Variants in TRAPPC8 observed in about 807,000 individuals in gnomAD.
TRAPPC8 encodes general sporulation gene 1 homolog.
Under a neutral mutation model 174.3 loss-of-function variants are expected in TRAPPC8, and 54 were observed. That is an observed-to-expected ratio of 0.31 (90% CI 0.25 to 0.39). The LOEUF is 0.39. Among genes scored for constraint, TRAPPC8 ranks in the 10% least tolerant of loss-of-function variants. The pLI is 1.00. For synonymous variants in TRAPPC8, 630 were observed against 579.9 expected, an observed-to-expected ratio of 1.09 and a Z score of -1.24; for missense variants, 1,531 against 1,699.1, an observed-to-expected ratio of 0.90 and a Z score of 1.74.
chr18:31,858,122 T>C, intron 19 of TRAPPC8, 140 bp from the exon 20 acceptor site: 1 of 683,790 alleles, frequency 1.5e-6, no homozygotes, highest in Non-Finnish European at 2.4e-6. Flanking sequence ...TCCCTGAATA[T>C]GTGGCAGTTA....
intron 10 of TRAPPC8, among the ~76,000 whole-genome samples, chr18:31,899,954 TG>T (rs11366153): frequency 0.059 from 8,994 of 151,418 alleles, 284 homozygotes; most frequent in Middle Eastern, 0.11. Flanking sequence ...AAAAAAAACA[TG>T]GGCTGGGCAT....
intron 12 of TRAPPC8, among the ~76,000 whole-genome samples, chr18:31,884,082 G>C (rs573540211): frequency 1.3e-5 from 2 of 152,082 alleles, no homozygotes; most frequent in East Asian, 1.9e-4. Context: ...CCAGCTACTC[G>C]AGAGGCTGAG....
intron 11 of TRAPPC8, 74 bp from the exon 12 acceptor site, chr18:31,890,940 A>G: frequency 2.1e-6 from 3 of 1,431,954 alleles, no homozygotes; most frequent in Non-Finnish European, 2.8e-6. Context: ...TGAAAAAAAC[A>G]TTTAATTTCT....
At chr18:31,878,969 A>T (rs573608678) in intron 12 of TRAPPC8, among the ~76,000 whole-genome samples, 2 of 152,304 alleles carry the variant, frequency 1.3e-5, no homozygotes, top group East Asian at 3.9e-4. Flanking sequence ...GAGCATCCAA[A>T]TTTATAAAAC....
intron 2 of TRAPPC8, among the ~76,000 whole-genome samples, chr18:31,919,923 A>G (rs1170770959): frequency 6.6e-6 from 1 of 152,078 alleles, no homozygotes; most frequent in Non-Finnish European, 1.5e-5. Context: ...ATTACAATCT[A>G]CATTTTAAAA....
intron 14 of TRAPPC8, 88 bp from the exon 15 acceptor site, chr18:31,871,208 A>T (rs1444828933): frequency 7.5e-6 from 5 of 670,324 alleles, no homozygotes; most frequent in Middle Eastern, 4.5e-4. Flanking sequence ...AGAAATAAAA[A>T]AATATATATA....
At chr18:31,932,322 G>C (rs2145632167) in intron 1 of TRAPPC8, among the ~76,000 whole-genome samples, 1 of 151,686 alleles carries the variant, frequency 6.6e-6, no homozygotes, top group Non-Finnish European at 1.5e-5. Context: ...AGCTACTCAG[G>C]AGGCTGAGGC....
At chr18:31,913,885 T>A (rs895055388) in intron 4 of TRAPPC8, among the ~76,000 whole-genome samples, 1 of 151,748 alleles carries the variant, frequency 6.6e-6, no homozygotes, top group Non-Finnish European at 1.5e-5. Context: ...ACAAAACAAG[T>A]GTTTTGACTC....
chr18:31,916,066 A>AG (rs1568132092), intron 4 of TRAPPC8, among the ~76,000 whole-genome samples: 2 of 151,752 alleles, frequency 1.3e-5, no homozygotes, highest in Admixed American at 1.3e-4. Flanking sequence ...CAAAAAAAAA[A>AG]AAAAAAAAGA....
Position 31,894,993 on chromosome 18 carries a change from T to C in TRAPPC8, c.1596+2793A>G, listed in dbSNP as rs1204944678. ...TATGCGGTGATAAAGGTAGCATGTT[T>C]CACCATTAAACTGGGTTTGCTCTGC... On this transcript the variant is annotated intron_variant, in intron 11 of 28. Coordinates refer to ENST00000283351, the MANE Select transcript of TRAPPC8 (RefSeq NM_014939.5). Among the ~76,000 whole-genome samples, 11 of 152,224 alleles carry C rather than the reference T, an allele frequency of 7.2e-5. 1 individual carries two copies. The East Asian group carries it at 2.1e-3, about 29-fold the overall frequency.
rs376783471 is a variant in TRAPPC8, at chr18:31,936,902, T to TAAAA, written c.158-5383_158-5380dup. On this transcript the variant is annotated intron_variant, in intron 1 of 28. Transcript: ENST00000283351. ...GGGTGACAGAGCAAGACTCCGTCTTTAAAAAAAAAAAAAAAAAAAAAAAAA... is the reference window on the plus strand; with the variant it reads ...GGGTGACAGAGCAAGACTCCGTCTTTAAAAAAAAAAAAAAAAAAAAAAAAAAAAA... 8.1e-4 allele frequency among the ~76,000 whole-genome samples: 75 copies of TAAAA among 92,518 alleles called. 1 individual carries two copies. The highest frequency in any genetic ancestry group is 5.7e-3 in the South Asian group (12 of 2,120). 60.7% of individuals were successfully genotyped at this position (92,518 alleles called of 152,430 possible).
intron 27 of TRAPPC8, among the ~76,000 whole-genome samples, chr18:31,834,292 T>C (rs2032578448): frequency 1.3e-5 from 2 of 151,968 alleles, no homozygotes; most frequent in East Asian, 3.9e-4. Flanking sequence ...TATTTTTTAG[T>C]AGAGATGGGG....
intron 12 of TRAPPC8, among the ~76,000 whole-genome samples, chr18:31,882,661 G>C (rs751181263): frequency 2.2e-4 from 34 of 151,938 alleles, no homozygotes; most frequent in Middle Eastern, 3.4e-3. Context: ...CTGTCGCTCA[G>C]GTTGGAGTGA....
intron 1 of TRAPPC8, among the ~76,000 whole-genome samples, chr18:31,940,242 G>A (rs186214489): frequency 3.5e-4 from 53 of 152,034 alleles, no homozygotes; most frequent in East Asian, 2.7e-3. Context: ...TTTGGGAGGC[G>A]GAGGCGGGCG....
chr18:31,831,136 T>TGA, intron 28 of TRAPPC8, 147 bp from the exon 29 acceptor site: 1 of 629,760 alleles, frequency 1.6e-6, no homozygotes, highest in Non-Finnish European at 2.8e-6. Flanking sequence ...GTGGATCACC[T>TGA]GAGATCAGGA....
At position 31,924,738 on chromosome 18, in the gene TRAPPC8, CAAAA is replaced by C. The variant is rs398032376; in HGVS notation, c.352+6587_352+6590del. Among the ~76,000 whole-genome samples, 867 of 91,832 alleles carry C rather than the reference CAAAA, an allele frequency of 9.4e-3. 13 individuals are homozygous for C. The highest frequency in any genetic ancestry group is 0.036 in the African/African-American group (823 of 23,060). 60.2% of individuals were successfully genotyped at this position (91,832 alleles called of 152,430 possible). On this transcript the variant is annotated intron_variant, in intron 2 of 28. Coordinates refer to ENST00000283351, the MANE Select transcript of TRAPPC8 (RefSeq NM_014939.5). ...GGGCAACAACAGCGAAACTCCGTCT[CAAAA>C]AAAAAAAAAAAAAAAAAAAAATCCG...
intron 26 of TRAPPC8, among the ~76,000 whole-genome samples, chr18:31,843,253 A>T (rs2033202793): frequency 6.6e-6 from 1 of 152,204 alleles, no homozygotes. Context: ...AGTTTATTAA[A>T]CAATATCACC....
Position 31,830,565 on chromosome 18 carries a change from T to C in TRAPPC8, c.*190A>G. The stretch of plus-strand genomic sequence containing the variant: ...AAATTATTCTCAGGGTTTAAAGAAA[T>C]ACAGAAAAAGAATGTTAAGTATTCT... On this transcript the variant is annotated 3_prime_UTR_variant, in exon 29 of 29. Transcript: ENST00000283351. The C allele has an allele frequency of 1.7e-6, 1 of 576,648 alleles. No homozygotes were observed. Among genetic ancestry groups the C allele is most frequent in the Non-Finnish European group, 3.1e-6 (1 of 327,074 alleles). The allele number at this position is 576,648 out of a possible 1,614,324, so 35.7% of individuals were successfully genotyped here. A position where few individuals can be genotyped will look rare whatever the true frequency, so the allele number is the denominator to read the frequency against.
intron 27 of TRAPPC8, among the ~76,000 whole-genome samples, chr18:31,836,114 T>C (rs1568027654): frequency 1.3e-5 from 2 of 152,178 alleles, no homozygotes; most frequent in African/African-American, 2.4e-5. Context: ...CAATGACTAA[T>C]AGAGATGGAC....
Sources: allele counts gnomAD v4.1 joint callset (sites outside exome capture counted in the v4.1 genomes callset), GRCh38; gene constraint gnomAD v4.1.1; transcripts MANE v1.5; gene names NCBI Gene and HGNC (gene_info 2026-07-23, HGNC 2026-07-21).